Variants in LRRFIP2 observed in about 807,000 individuals in gnomAD.
LRRFIP2 encodes LRR binding FLII interacting protein 2.
Under a neutral mutation model 125.9 loss-of-function variants are expected in LRRFIP2, and 109 were observed. The ratio of observed to expected loss-of-function variants is 0.87; its 90% CI spans 0.74 to 1.01. The LOEUF is 1.01. Ranked by LOEUF, LRRFIP2 falls within the 50% of genes least tolerant of loss-of-function variation. The pLI is 0.00. For synonymous variants in LRRFIP2, 291 were observed against 293.1 expected, an observed-to-expected ratio of 0.99 and a Z score of 0.07; for missense variants, 850 against 862.3, an observed-to-expected ratio of 0.99 and a Z score of 0.18.
intron 2 of LRRFIP2, among the ~76,000 whole-genome samples, chr3:37,144,358 C>A (rs905508463): frequency 6.6e-6 from 1 of 152,206 alleles, no homozygotes; most frequent in African/African-American, 2.4e-5. Context: ...AGATCTGAAA[C>A]AACTGTGACA....
intron 4 of LRRFIP2, among the ~76,000 whole-genome samples, 155 bp downstream of exon 4, chr3:37,127,475 C>A (rs2095313455): frequency 6.6e-6 from 1 of 152,158 alleles, no homozygotes; most frequent in East Asian, 1.9e-4. Context: ...TCCAAGTATA[C>A]CTCTGGTCCA....
intron 1 of LRRFIP2, chr3:37,171,084 CACAA>C (rs1364236994): frequency 6.6e-6 from 1 of 152,272 alleles, no homozygotes; most frequent in African/African-American, 2.4e-5. Flanking sequence ...AAAACAAACA[CACAA>C]ACAAACAAAA....
chr3:37,102,703 C>T (rs1181493452), intron 15 of LRRFIP2, among the ~76,000 whole-genome samples: 7 of 151,736 alleles, frequency 4.6e-5, no homozygotes, highest in Admixed American at 6.6e-5. Context: ...AGTTTCACCA[C>T]GTTGGCCAGG....
chr3:37,158,986 G>C (rs1003305709), intron 1 of LRRFIP2, among the ~76,000 whole-genome samples: 1 of 152,076 alleles, frequency 6.6e-6, no homozygotes, highest in African/African-American at 2.4e-5. Context: ...AAGCACAAAA[G>C]TTTTTATTTT....
chr3:37,168,631 G>A (rs910954156), intron 1 of LRRFIP2, among the ~76,000 whole-genome samples: 1 of 152,156 alleles, frequency 6.6e-6, no homozygotes, highest in East Asian at 1.9e-4. Context: ...TTATACCACC[G>A]AATTGTACAC....
At chr3:37,134,603 C>T in intron 2 of LRRFIP2, 2 of 549,338 alleles carry the variant, frequency 3.6e-6, no homozygotes, top group South Asian at 1.5e-5. Flanking sequence ...GGAGTTTTGG[C>T]CAGACTTTTG....
chr3:37,055,050 C>T (rs1197842988), intron 26 of LRRFIP2, 36 bp downstream of exon 26: 1 of 1,381,280 alleles, frequency 7.2e-7, no homozygotes, highest in South Asian at 1.2e-5. Context: ...GCAGGAAGGA[C>T]ATTTAAATAA....
At chr3:37,082,186 A>T (rs1299304087) in intron 19 of LRRFIP2, among the ~76,000 whole-genome samples, 2 of 152,162 alleles carry the variant, frequency 1.3e-5, no homozygotes, top group Middle Eastern at 3.2e-3. Context: ...AGGAGTCCAG[A>T]GGCTCTAGGA....
chr3:37,078,832 A>G (rs1355961700), intron 19 of LRRFIP2, among the ~76,000 whole-genome samples: 1 of 152,170 alleles, frequency 6.6e-6, no homozygotes, highest in Non-Finnish European at 1.5e-5. Context: ...AAAAACAATT[A>G]GACTCACCAG....
intron 18 of LRRFIP2, among the ~76,000 whole-genome samples, chr3:37,085,219 C>A (rs1281357909): frequency 1.3e-5 from 2 of 152,130 alleles, no homozygotes; most frequent in Admixed American, 1.3e-4. Flanking sequence ...ACCAAAAGCA[C>A]TATAAACCAG....
intron 15 of LRRFIP2, among the ~76,000 whole-genome samples, chr3:37,101,682 A>AG (rs552620520): frequency 0.029 from 4,423 of 150,128 alleles, 75 homozygotes; most frequent in Non-Finnish European, 0.037. Flanking sequence ...AAAAAAAAAA[A>AG]AAGAAGAAGA....
intron 15 of LRRFIP2, among the ~76,000 whole-genome samples, chr3:37,102,498 C>CTTTTT (rs751506380): frequency 8.3e-6 from 1 of 120,892 alleles, no homozygotes; most frequent in Non-Finnish European, 1.8e-5. Flanking sequence ...TCAAACAATT[C>CTTTTT]TTTTTTTTTT....
chr3:37,136,828 C>T (rs1404136037), intron 2 of LRRFIP2, among the ~76,000 whole-genome samples: 1 of 152,056 alleles, frequency 6.6e-6, no homozygotes, highest in Non-Finnish European at 1.5e-5. Context: ...GCTCTTGATA[C>T]TTATAAAATT....
intron 4 of LRRFIP2, among the ~76,000 whole-genome samples, chr3:37,125,325 CACT>C (rs1255870262): frequency 6.6e-6 from 1 of 152,098 alleles, no homozygotes; most frequent in Non-Finnish European, 1.5e-5. Context: ...TCAGAATCAC[CACT>C]GATTAAGAAA....
At chr3:37,165,028 G>T (rs1577967647) in intron 1 of LRRFIP2, among the ~76,000 whole-genome samples, 1 of 152,016 alleles carries the variant, frequency 6.6e-6, no homozygotes, top group Admixed American at 6.6e-5. Flanking sequence ...GAGGTCGGGA[G>T]ATCGAGACCA....
intron 11 of LRRFIP2, among the ~76,000 whole-genome samples, chr3:37,108,952 C>T (rs1173057036): frequency 6.6e-6 from 1 of 152,144 alleles, no homozygotes; most frequent in East Asian, 1.9e-4. Flanking sequence ...AACGTGTACA[C>T]ATTTATCTTC....
Position 37,108,629 on chromosome 3 carries a change from A to G in LRRFIP2, c.657+8T>C. On this transcript the variant is annotated splice_region_variant and intron_variant, in intron 12 of 27. Transcript: ENST00000336686. ...TCCTCTTCACCACCTTCCCCTATTT[A>G]GACTTACAGTTCGAGGACCATAAGG... 6.2e-7 allele frequency: 1 copy of G among 1,605,072 alleles called. No individual in the cohort carries two copies. The highest frequency in any genetic ancestry group is 8.5e-7 in the Non-Finnish European group (1 of 1,172,704).
chr3:37,126,555 G>A (rs556939257), intron 4 of LRRFIP2, among the ~76,000 whole-genome samples: 1 of 150,654 alleles, frequency 6.6e-6, no homozygotes, highest in African/African-American at 2.4e-5. Flanking sequence ...ATTTCACAGA[G>A]GTTTAAAAAA....
chr3:37,063,724 C>G lies in LRRFIP2; in HGVS notation c.1749+18G>C, dbSNP rs368903918. Reference sequence around the variant, plus strand: ...ACTTTGTTAAAATTATATTACACTCCAATAAGAATGCCTTTACCTGTGACA... The same window carrying G: ...ACTTTGTTAAAATTATATTACACTCGAATAAGAATGCCTTTACCTGTGACA... On this transcript the variant is annotated intron_variant, in intron 24 of 27. Coordinates refer to ENST00000336686, the MANE Select transcript of LRRFIP2 (RefSeq NM_006309.4). 6.3e-7 allele frequency: 1 copy of G among 1,591,354 alleles called. No individual in the cohort carries two copies. The highest frequency in any genetic ancestry group is 1.3e-5 in the African/African-American group (1 of 74,442).
Sources: allele counts gnomAD v4.1 joint callset (sites outside exome capture counted in the v4.1 genomes callset), GRCh38; gene constraint gnomAD v4.1.1; transcripts MANE v1.5; gene names NCBI Gene and HGNC (gene_info 2026-07-23, HGNC 2026-07-21).